Variants in MCM8 observed in about 807,000 individuals in gnomAD.
MCM8 encodes DNA helicase MCM8.
MCM8 carries 85 observed loss-of-function variants against 98.9 expected under a neutral mutation model. The ratio of observed to expected loss-of-function variants is 0.86; its 90% CI spans 0.72 to 1.03. The LOEUF is 1.03. MCM8 is among the 50% of genes least tolerant of loss of function. MCM8 has a pLI of 0.00. For synonymous variants in MCM8, 352 were observed against 338.6 expected (o/e 1.04, Z -0.44); for missense variants, 951 against 997.8 (o/e 0.95, Z 0.63).
At chr20:5,980,378 A>G (rs1219215251) in intron 13 of MCM8, among the ~76,000 whole-genome samples, 1 of 152,204 alleles carries the variant, frequency 6.6e-6, no homozygotes, top group African/African-American at 2.4e-5. Context: ...GTACTGGTAT[A>G]TAGAAGGCAT....
At chr20:5,953,161 C>T (rs1031824434) in intron 3 of MCM8, among the ~76,000 whole-genome samples, 7 of 152,176 alleles carry the variant, frequency 4.6e-5, no homozygotes, top group Admixed American at 3.3e-4. Context: ...CTTCCTGCCA[C>T]CTTCCCGTCT....
Position 5,994,539 on chromosome 20 carries a change from C to T in MCM8, c.*148C>T. 1.8e-6 allele frequency: 1 copy of T among 568,572 alleles called. No homozygotes were observed. The highest frequency in any genetic ancestry group is 3.2e-5 in the Admixed American group (1 of 31,600). The allele number at this position is 568,572 out of a possible 1,614,324, so 35.2% of individuals were successfully genotyped here. On this transcript the variant is annotated 3_prime_UTR_variant, in exon 19 of 19. Transcript: ENST00000610722. ...CACACACACAGTCAAATACTGTTCT[C>T]TGAAAAATGATGTCCCAAAAGTATT... is the stretch of plus-strand genomic sequence containing the variant.
At chr20:5,955,859 A>T (rs188374332) in intron 5 of MCM8, among the ~76,000 whole-genome samples, 1 of 151,990 alleles carries the variant, frequency 6.6e-6, no homozygotes, top group African/African-American at 2.4e-5. Flanking sequence ...GCTCACTGCA[A>T]CCTCTGCCTC....
chr20:5,953,330 C>T (rs1162507864), intron 3 of MCM8, among the ~76,000 whole-genome samples: 1 of 151,874 alleles, frequency 6.6e-6, no homozygotes, highest in Non-Finnish European at 1.5e-5. Flanking sequence ...AAGGAATCTC[C>T]CTTTGATAAT....
At chr20:5,959,465 G>A (rs2089079353) in intron 7 of MCM8, among the ~76,000 whole-genome samples, 1 of 151,988 alleles carries the variant, frequency 6.6e-6, no homozygotes, top group African/African-American at 2.4e-5. Context: ...ACACGCAGCT[G>A]TTTTTTTATT....
intron 6 of MCM8, among the ~76,000 whole-genome samples, 165 bp from the exon 7 acceptor site, chr20:5,958,363 A>T (rs117795808): frequency 0.035 from 5,334 of 152,298 alleles, 128 homozygotes; most frequent in Middle Eastern, 0.1. Context: ...GCGAGACTCC[A>T]TCTCAAGAAA....
chr20:5,990,746 AT>A (rs1011944511), intron 17 of MCM8, among the ~76,000 whole-genome samples: 7 of 152,080 alleles, frequency 4.6e-5, no homozygotes, highest in African/African-American at 1.7e-4. Context: ...AAATTTCAGA[AT>A]TTTTTTTAAT....
At chr20:5,976,037 TG>T (rs1447332047) in intron 12 of MCM8, among the ~76,000 whole-genome samples, 1 of 151,652 alleles carries the variant, frequency 6.6e-6, no homozygotes, top group African/African-American at 2.4e-5. Flanking sequence ...ACTAACAGGC[TG>T]GGTGCAGTGG....
At position 5,967,607 on chromosome 20, in the gene MCM8, A is replaced by G. The variant is rs145775367; in HGVS notation, c.1027+20A>G. The G allele has an allele frequency of 8.1e-4, 1,288 of 1,590,606 alleles. 7 individuals carry two copies. In the African/African-American group the frequency reaches 0.016, roughly 19 times the overall value. On this transcript the variant is annotated intron_variant, in intron 9 of 18. Transcript: ENST00000610722. ...AAGAAGGTAGGGTACAACTCTTTTC[A>G]TTATTTGTCTCTCAATAATGATTCA...
At chr20:5,985,105 A>C in intron 15 of MCM8, 105 bp downstream of exon 15, 1 of 830,654 alleles carries the variant, frequency 1.2e-6, no homozygotes, top group Non-Finnish European at 1.9e-6. Context: ...TTTTTACCAG[A>C]ACTTTTTAAT....
At chr20:5,962,243 T>TTG (rs953474701) in intron 7 of MCM8, among the ~76,000 whole-genome samples, 3 of 152,174 alleles carry the variant, frequency 2.0e-5, no homozygotes, top group African/African-American at 7.2e-5. Flanking sequence ...GCCTTGCCTT[T>TTG]TGTGAGCTAG....
rs1008063931 is a variant in MCM8 at position 5,996,977 on chromosome 20, T to G, written c.*2586T>G. 3.9e-5 allele frequency: 6 copies of G among 152,232 alleles called. No individual in the cohort carries two copies. The highest frequency in any genetic ancestry group is 1.2e-4 in the African/African-American group (5 of 41,454). The allele number at this position is 152,232 out of a possible 1,614,324, so 9.4% of individuals were successfully genotyped here. A position where few individuals can be genotyped will look rare whatever the true frequency, so the allele number is the denominator to read the frequency against. ...CTCTGGCCTAGGCTTTTCACTTGCT[T>G]CTTTACTGCCTGACTGACTTTGGTG... On this transcript the variant is annotated 3_prime_UTR_variant, in exon 19 of 19. Transcript: ENST00000610722.
chr20:5,985,116 A>G, intron 15 of MCM8, 116 bp downstream of exon 15: 1 of 746,946 alleles, frequency 1.3e-6, no homozygotes, highest in Non-Finnish European at 2.1e-6. Flanking sequence ...ACTTTTTAAT[A>G]TTTCCATACT....
In MCM8 at chr20:5,963,336, T is replaced by C; in HGVS notation, c.852T>C (p.Val284=). ...FTALRSSPLT[V]TMDWQSIKIQ... is the part of the protein sequence containing the mutation. ...CTCTCCGCAGCTCTCCTCTCACAGT[T>C]ACGATGGACTGGCAGTCAATCAAGT... is the stretch of plus-strand genomic sequence containing the variant. Residue 284 remains valine, a synonymous_variant, in exon 8 of 19, where the codon GTT becomes GTC. Coordinates refer to ENST00000610722, the MANE Select transcript of MCM8 (RefSeq NM_032485.6). 6.2e-7 allele frequency: 1 copy of C among 1,614,018 alleles called. No homozygotes were observed. Among genetic ancestry groups the C allele is most frequent in the Non-Finnish European group, 8.5e-7 (1 of 1,179,970 alleles).
Position 5,996,484 on chromosome 20 carries a change from C to T in MCM8, c.*2093C>T, listed in dbSNP as rs2089959281. 1 of 152,052 alleles carries T rather than the reference C, an allele frequency of 6.6e-6. No homozygotes were observed. Among genetic ancestry groups the T allele is most frequent in the African/African-American group, 2.4e-5 (1 of 41,384 alleles). 9.4% of individuals were successfully genotyped at this position (152,052 alleles called of 1,614,324 possible). ...TGAGCCAAGATCGTACCACTGCACT[C>T]CAGCCTGGGCAACAGAGTGAGACTC... On this transcript the variant is annotated 3_prime_UTR_variant, in exon 19 of 19. Transcript: ENST00000610722.
At chr20:5,959,195 G>A (rs2089069752) in intron 7 of MCM8, among the ~76,000 whole-genome samples, 1 of 151,708 alleles carries the variant, frequency 6.6e-6, no homozygotes, top group Non-Finnish European at 1.5e-5. Context: ...ATAGAAAAGT[G>A]CAGAGAATAA....
intron 3 of MCM8, among the ~76,000 whole-genome samples, chr20:5,953,186 A>G (rs2088877851): frequency 1.3e-5 from 2 of 152,180 alleles, no homozygotes; most frequent in Non-Finnish European, 2.9e-5. Flanking sequence ...AGTGCCTTCA[A>G]TTGGCAGAAT....
At chr20:5,978,274 T>A (rs2089556005) in intron 13 of MCM8, among the ~76,000 whole-genome samples, 1 of 152,180 alleles carries the variant, frequency 6.6e-6, no homozygotes, top group Non-Finnish European at 1.5e-5. Context: ...CAAATAAATA[T>A]GTGTAGCTCC....
At chr20:5,990,854 T>C (rs994906647) in intron 17 of MCM8, 1 of 152,236 alleles carries the variant, frequency 6.6e-6, no homozygotes, top group Non-Finnish European at 1.5e-5. Context: ...CTAGAATGTG[T>C]GCATCTTGCT....
Sources: allele counts gnomAD v4.1 joint callset (sites outside exome capture counted in the v4.1 genomes callset), GRCh38; gene constraint gnomAD v4.1.1; transcripts MANE v1.5; gene names NCBI Gene and HGNC (gene_info 2026-07-23, HGNC 2026-07-21).